Variants in SLC25A51 observed in about 807,000 individuals in gnomAD.
SLC25A51 encodes the protein solute carrier family 25 member 51, also known as mitochondrial nicotinamide adenine dinucleotide transporter SLC25A51.
A neutral mutation model predicts 19.1 loss-of-function variants in SLC25A51; 11 were observed. The observed-to-expected ratio is 0.58, with a 90% confidence interval of 0.36 to 0.96. The LOEUF is 0.96. Among genes scored for constraint, SLC25A51 ranks in the 40% least tolerant of loss-of-function variants. SLC25A51 has a pLI of 0.01. For synonymous variants in SLC25A51, 105 were observed against 133.6 expected (o/e 0.79, Z 1.47); for missense variants, 201 against 365.4 (o/e 0.55, Z 3.67).
chr9:37,890,886 G>A (rs568001430), intron 2 of SLC25A51, among the ~76,000 whole-genome samples: 5 of 152,190 alleles, frequency 3.3e-5, no homozygotes, highest in Admixed American at 2.0e-4. Flanking sequence ...ACAAAAAACC[G>A]TCTAGGTCTT....
downstream of SLC25A51, among the ~76,000 whole-genome samples, chr9:37,884,121 C>T (rs1450943934): frequency 2.0e-5 from 3 of 152,322 alleles, no homozygotes; most frequent in Admixed American, 2.0e-4. Context: ...AACCTACTGT[C>T]ATGTCAGATG....
At chr9:37,902,753 A>C (rs529275833) in intron 1 of SLC25A51, among the ~76,000 whole-genome samples, 2 of 152,392 alleles carry the variant, frequency 1.3e-5, no homozygotes, top group Non-Finnish European at 2.9e-5. Flanking sequence ...TTGATTTTCA[A>C]GCAACTACAA....
In SLC25A51 at chr9:37,887,796, T is replaced by C. The variant is rs200388144; in HGVS notation, c.755A>G (p.Lys252Arg). 52 of 1,613,698 alleles carry C rather than the reference T, an allele frequency of 3.2e-5. No individual in the cohort carries two copies. Among genetic ancestry groups the C allele is most frequent in the Non-Finnish European group, 4.3e-5 (51 of 1,179,874 alleles). The change falls in exon 3 of 3, where the codon AAG (lysine) becomes AGG (arginine). Residue 252 changes from lysine to arginine, a missense_variant. Physicochemically the swap from Lys to Arg is conservative, Grantham distance 26. Transcript: ENST00000242275. ...QIGGEFQSFPKVFQKIWLERD... is the reference protein window; with the variant it reads ...QIGGEFQSFPRVFQKIWLERD... ...TTCCAGCCAGATTTTTTGGAAAACC[T>C]TGGGGAAAGACTGAAATTCCCCACC...
chr9:37,878,007 C>CAATAAATA (rs372237055), downstream of SLC25A51: 28 of 151,766 alleles, frequency 1.8e-4, no homozygotes, highest in African/African-American at 6.8e-4. Context: ...GAATCTGTGT[C>CAATAAATA]AATAAATAAA....
intron 2 of SLC25A51, among the ~76,000 whole-genome samples, chr9:37,897,415 A>T (rs1831742196): frequency 6.6e-6 from 1 of 152,018 alleles, no homozygotes; most frequent in South Asian, 2.1e-4. Context: ...TTTCGTTTGC[A>T]TAAGAAAACA....
intron 2 of SLC25A51, among the ~76,000 whole-genome samples, chr9:37,894,654 C>A (rs558995190): frequency 1.3e-5 from 2 of 152,174 alleles, no homozygotes; most frequent in East Asian, 3.9e-4. Flanking sequence ...TTCTGAGGTA[C>A]GTGTGCAGGT....
At chr9:37,887,113 G>C (rs1052991059), downstream of SLC25A51, among the ~76,000 whole-genome samples, 23 of 152,118 alleles carry the variant, frequency 1.5e-4, no homozygotes, top group Non-Finnish European at 1.0e-4. Flanking sequence ...TCAGGGGTTC[G>C]AGACCAGCCT....
intron 2 of SLC25A51, among the ~76,000 whole-genome samples, chr9:37,882,369 A>C (rs2118290755): frequency 6.6e-6 from 1 of 152,272 alleles, no homozygotes; most frequent in East Asian, 1.9e-4. Flanking sequence ...TCTAGATCCC[A>C]TTTCATATAT....
Position 37,891,900 on chromosome 9 carries a change from A to C in SLC25A51, c.-42-3308T>G, listed in dbSNP as rs1343892687. ...TATATATATACACACAACTACTTTA[A>C]AAAAAAAAAAAAAAAGATTCAGCCA... is the stretch of plus-strand genomic sequence containing the variant. On this transcript the variant is annotated intron_variant, in intron 2 of 2. Transcript: ENST00000242275. Among the ~76,000 whole-genome samples the C allele has an allele frequency of 8.1e-5, 5 of 62,010 alleles. No individual in the cohort carries two copies. The South Asian group carries it at 2.8e-3, about 35-fold the overall frequency. The allele number at this position is 62,010 out of a possible 152,430, so 40.7% of individuals were successfully genotyped here. A position where few individuals can be genotyped will look rare whatever the true frequency, so the allele number is the denominator to read the frequency against.
chr9:37,885,665 G>A (rs1326927397), downstream of SLC25A51: 9 of 1,059,250 alleles, frequency 8.5e-6, no homozygotes, highest in Non-Finnish European at 1.3e-5. Flanking sequence ...AACCCCAAAG[G>A]AGTTGCCCGA....
chr9:37,881,334 G>A (rs547319852), intron 3 of SLC25A51, among the ~76,000 whole-genome samples: 2 of 152,284 alleles, frequency 1.3e-5, no homozygotes, highest in Middle Eastern at 6.8e-3. Flanking sequence ...CAGTAGAGAA[G>A]TGTATTAAAT....
intron 2 of SLC25A51, among the ~76,000 whole-genome samples, chr9:37,882,093 G>A (rs1387189774): frequency 1.3e-5 from 2 of 152,168 alleles, no homozygotes; most frequent in African/African-American, 2.4e-5. Context: ...GGAGCCAATA[G>A]GCAACACATA....
downstream of SLC25A51, chr9:37,886,195 G>A (rs1280167486): frequency 6.5e-7 from 1 of 1,530,450 alleles, no homozygotes; most frequent in Non-Finnish European, 9.1e-7. Flanking sequence ...TAATGCGGCA[G>A]CCACAGACTG....
chr9:37,886,148 C>G, downstream of SLC25A51: 1 of 1,434,610 alleles, frequency 7.0e-7, no homozygotes. Flanking sequence ...CACCAATCAA[C>G]TCCCTACCCT....
chr9:37,895,036 T>C (rs1831685625), intron 2 of SLC25A51, among the ~76,000 whole-genome samples: 1 of 152,178 alleles, frequency 6.6e-6, no homozygotes, highest in Non-Finnish European at 1.5e-5. Context: ...GGCATTTAGG[T>C]TGATTCCATG....
intron 2 of SLC25A51, among the ~76,000 whole-genome samples, chr9:37,892,285 G>T (rs1202552581): frequency 6.6e-6 from 1 of 152,216 alleles, no homozygotes; most frequent in Non-Finnish European, 1.5e-5. Context: ...CGTGGGCTCG[G>T]CTCTGAAAGC....
At chr9:37,885,683 G>C, downstream of SLC25A51, 1 of 1,303,652 alleles carries the variant, frequency 7.7e-7, no homozygotes. Context: ...CGAAACCGGA[G>C]AGAGAAGCGG....
At chr9:37,881,573 G>C (rs896475496) in exon 3 of SLC25A51, 4 of 152,296 alleles carry the variant, frequency 2.6e-5, no homozygotes, top group Admixed American at 2.6e-4. Flanking sequence ...AGCCCAGGAA[G>C]TCAAGGCTAT....
downstream of SLC25A51, chr9:37,886,505 G>T: frequency 1.7e-6 from 2 of 1,146,984 alleles, no homozygotes; most frequent in East Asian, 2.6e-5. Context: ...ACTGGGTGGG[G>T]CAGTGCGCAG....
Sources: allele counts gnomAD v4.1 joint callset (sites outside exome capture counted in the v4.1 genomes callset), GRCh38; gene constraint gnomAD v4.1.1; transcripts MANE v1.5; gene names NCBI Gene and HGNC (gene_info 2026-07-23, HGNC 2026-07-21).